Variants in ZBTB16 observed in about 807,000 individuals in gnomAD.
ZBTB16 encodes zinc finger and BTB domain containing 16.
ZBTB16 carries 8 observed loss-of-function variants against 56.8 expected under a neutral mutation model. That is an observed-to-expected ratio of 0.14 (90% CI 0.08 to 0.25). The LOEUF is 0.25. Among genes scored for constraint, ZBTB16 ranks in the 10% least tolerant of loss-of-function variants. ZBTB16 has a pLI of 1.00. For missense variants in ZBTB16, 625 were observed against 903.0 expected (o/e 0.69, Z 3.95); for synonymous variants, 363 against 368.5 (o/e 0.98, Z 0.17).
At chr11:114,153,783 A>G (rs1184358247) in intron 2 of ZBTB16, among the ~76,000 whole-genome samples, 1 of 152,232 alleles carries the variant, frequency 6.6e-6, no homozygotes, top group Non-Finnish European at 1.5e-5. Flanking sequence ...GATATGGGTA[A>G]GACTTTTGAA....
intron 2 of ZBTB16, among the ~76,000 whole-genome samples, chr11:114,142,035 TTG>T (rs1941962894): frequency 6.6e-6 from 1 of 152,244 alleles, no homozygotes; most frequent in Non-Finnish European, 1.5e-5. Context: ...TGTTATGCTC[TTG>T]GCTTGTGCTC....
chr11:114,195,175 T>C (rs1943576655), intron 4 of ZBTB16, among the ~76,000 whole-genome samples: 1 of 152,184 alleles, frequency 6.6e-6, no homozygotes, highest in South Asian at 2.1e-4. Flanking sequence ...GTGGTGTTAA[T>C]TAGAGGGCAG....
At position 114,250,401 on chromosome 11, in the gene ZBTB16, C is replaced by T. The variant is rs770987265; in HGVS notation, c.1868C>T (p.Thr623Met). 1.2e-6 allele frequency: 2 copies of T among 1,614,012 alleles called. No individual in the cohort carries two copies. The highest frequency in any genetic ancestry group is 8.5e-7 in the Non-Finnish European group (1 of 1,180,062). The change falls in exon 7 of 7, where the codon ACG becomes ATG. Residue 623 changes from threonine (T) to methionine (M), a missense_variant. Thr to Met is a moderately conservative substitution (Grantham distance 81). Around this residue, in one of 6 missense-constraint regions of ZBTB16, gnomAD observed 40 missense variants for 93.2 expected, o/e 0.43. Coordinates refer to ENST00000335953, the MANE Select transcript of ZBTB16 (RefSeq NM_006006.6). This position sits in a 1 kb window ranked among gnomAD's most constrained non-coding sequence, Gnocchi z 6.0. ...TCGGCCATGATCAAGCACCTGAGAA[C>T]GCACAACGGCGCCTCGCCCTACCAG... ...DYSAMIKHLR[T>M]HNGASPYQCT...
intron 4 of ZBTB16, among the ~76,000 whole-genome samples, chr11:114,196,435 C>T (rs1943612623): frequency 6.6e-6 from 1 of 152,202 alleles, no homozygotes; most frequent in African/African-American, 2.4e-5. Context: ...AGTTCTGAGG[C>T]TGGGAAGCTT....
intron 2 of ZBTB16, among the ~76,000 whole-genome samples, chr11:114,086,257 T>C (rs1939953300): frequency 6.6e-6 from 1 of 152,158 alleles, no homozygotes; most frequent in Non-Finnish European, 1.5e-5. Context: ...ACGGAAGTGC[T>C]TTTGTTTTTG....
chr11:114,097,474 TAC>T (rs1445077721), intron 2 of ZBTB16, among the ~76,000 whole-genome samples: 1 of 152,236 alleles, frequency 6.6e-6, no homozygotes, highest in Non-Finnish European at 1.5e-5. Flanking sequence ...TACATAGTTT[TAC>T]TACAATAAAA....
chr11:114,243,339 T>A (rs1049326360), intron 5 of ZBTB16, among the ~76,000 whole-genome samples: 4 of 152,208 alleles, frequency 2.6e-5, no homozygotes, highest in African/African-American at 9.7e-5. Flanking sequence ...GAGAGTCTTG[T>A]CACAGCTCAG....
At chr11:114,211,442 C>T (rs931614125) in intron 4 of ZBTB16, among the ~76,000 whole-genome samples, 18 of 152,240 alleles carry the variant, frequency 1.2e-4, no homozygotes, top group South Asian at 2.1e-4. Flanking sequence ...TAATAGTGCC[C>T]GCCTCCTAGA....
intron 2 of ZBTB16, among the ~76,000 whole-genome samples, chr11:114,079,116 AGAAG>A (rs1444497083): frequency 6.7e-6 from 1 of 149,570 alleles, no homozygotes; most frequent in East Asian, 2.0e-4. Context: ...AAAAAAAAGA[AGAAG>A]AAGAAGAAGG....
chr11:114,100,667 T>C (rs1940573994), intron 2 of ZBTB16, among the ~76,000 whole-genome samples: 2 of 152,180 alleles, frequency 1.3e-5, no homozygotes, highest in Admixed American at 1.3e-4. Flanking sequence ...GCCCCTTTCC[T>C]CTTGCGTTTA....
intron 2 of ZBTB16, among the ~76,000 whole-genome samples, chr11:114,123,945 A>T (rs1941417000): frequency 6.6e-6 from 1 of 152,230 alleles, no homozygotes; most frequent in Admixed American, 6.5e-5. Context: ...CAGAGACCAG[A>T]TGATGAATAT....
rs1020237319 is a variant in ZBTB16, at chr11:114,254,296, G to A, written c.*3741G>A. 4.6e-5 allele frequency among the ~76,000 whole-genome samples: 7 copies of A among 152,150 alleles called. No homozygotes were observed. Among genetic ancestry groups the A allele is most frequent in the Non-Finnish European group, 7.4e-5 (5 of 68,020 alleles). ...GGGAAGGCAGATCTGGGGTGCAGGG[G>A]TAGGTAGGGAGGCTGGGGGACCCAG... On this transcript the variant is annotated 3_prime_UTR_variant, in exon 7 of 7. Transcript: ENST00000335953.
rs1157395168 is a variant in ZBTB16 at position 114,063,737 on chromosome 11, A to C, written c.437A>C (p.Glu146Ala). ...GCCGATGGCGGGGCCGAGGAAGAAG[A>C]GGACCGCAAGGCTCGGTACCTCAAG... ...TMADGGAEEE[E>A]DRKARYLKNI... The change falls in exon 2 of 7, where the codon GAG becomes GCG. Residue 146 changes from glutamate (E) to alanine (A), a missense_variant. Transcript: ENST00000335953. This position sits in a 1 kb window ranked among gnomAD's most constrained non-coding sequence, Gnocchi z 6.5. 2 of 1,613,888 alleles carry C rather than the reference A, an allele frequency of 1.2e-6. No individual in the cohort carries two copies. Among genetic ancestry groups the C allele is most frequent in the Non-Finnish European group, 1.7e-6 (2 of 1,180,050 alleles).
At chr11:114,213,224 C>T (rs1270298997) in intron 4 of ZBTB16, among the ~76,000 whole-genome samples, 1 of 152,094 alleles carries the variant, frequency 6.6e-6, no homozygotes, top group South Asian at 2.1e-4. Flanking sequence ...CTTTGTCCAT[C>T]GCTTCCAACT....
intron 3 of ZBTB16, among the ~76,000 whole-genome samples, chr11:114,164,578 A>G (rs943411012): frequency 6.6e-6 from 1 of 152,172 alleles, no homozygotes; most frequent in Admixed American, 6.5e-5. Context: ...CAACCTGATA[A>G]TGGCAATGCC....
chr11:114,230,733 TTTC>T (rs1394078313), intron 4 of ZBTB16, among the ~76,000 whole-genome samples: 1 of 152,134 alleles, frequency 6.6e-6, no homozygotes, highest in Non-Finnish European at 1.5e-5. Flanking sequence ...TGGGGTAGTT[TTTC>T]TTTTCATTGC....
intron 4 of ZBTB16, among the ~76,000 whole-genome samples, chr11:114,231,779 G>A (rs1944445548): frequency 6.6e-6 from 1 of 152,166 alleles, no homozygotes; most frequent in Admixed American, 6.5e-5. Context: ...CTTTGAAAGA[G>A]AAAATGCTGA....
intron 4 of ZBTB16, among the ~76,000 whole-genome samples, chr11:114,208,343 C>T (rs1943930644): frequency 6.6e-6 from 1 of 152,170 alleles, no homozygotes; most frequent in Non-Finnish European, 1.5e-5. Flanking sequence ...TGTCTGGCTT[C>T]AGATTTTTGC....
At chr11:114,179,875 T>C (rs1943205785) in intron 3 of ZBTB16, among the ~76,000 whole-genome samples, 1 of 152,256 alleles carries the variant, frequency 6.6e-6, no homozygotes, top group Admixed American at 6.5e-5. Context: ...GGAGGTTCTT[T>C]GACAAGGGGG....
Sources: allele counts gnomAD v4.1 joint callset (sites outside exome capture counted in the v4.1 genomes callset), GRCh38; gene constraint gnomAD v4.1.1; regional missense constraint gnomAD v4.1.1; non-coding constraint Gnocchi (gnomAD v3.1); transcripts MANE v1.5; gene names NCBI Gene and HGNC (gene_info 2026-07-23, HGNC 2026-07-21).